PKHD1L1: variants seen among roughly 807,000 people sequenced by gnomAD.
PKHD1L1 encodes the protein fibrocystin-L.
A neutral mutation model predicts 462.9 loss-of-function variants in PKHD1L1; 434 were observed. The ratio of observed to expected loss-of-function variants is 0.94; its 90% CI spans 0.87 to 1.02. The LOEUF is 1.02. Among genes scored for constraint, PKHD1L1 ranks in the 50% least tolerant of loss-of-function variants. The probability of loss-of-function intolerance (pLI) is 0.00; values close to 1 mark genes in which losing one functional copy is unlikely to be tolerated. For missense variants in PKHD1L1, 5,202 were observed against 5,096.1 expected, an observed-to-expected ratio of 1.02 and a Z score of -0.63; for synonymous variants, 1,781 against 1,750.0, an observed-to-expected ratio of 1.02 and a Z score of -0.44.
In PKHD1L1 at chr8:109,531,494, A is replaced by G. The variant is rs1353472659; in HGVS notation, c.*1404A>G. Reference sequence around the variant, plus strand: ...CAGAGACAGAGAGGGAGGGGGAGAGAGAGATAGATAGAGAGAGAGAGAAAG... The same window carrying G: ...CAGAGACAGAGAGGGAGGGGGAGAGGGAGATAGATAGAGAGAGAGAGAAAG... On this transcript the variant is annotated 3_prime_UTR_variant, in exon 78 of 78. Coordinates refer to ENST00000378402, the MANE Select transcript of PKHD1L1 (RefSeq NM_177531.6). 1.3e-5 allele frequency among the ~76,000 whole-genome samples: 2 copies of G among 152,082 alleles called. No homozygotes were observed. The highest frequency in any genetic ancestry group is 2.9e-5 in the Non-Finnish European group (2 of 68,026).
In PKHD1L1 at chr8:109,464,316, T is replaced by C; in HGVS notation, c.7484T>C (p.Ile2495Thr). The change falls in exon 49 of 78, where the codon ATT (isoleucine) becomes ACT (threonine). Residue 2495 changes from isoleucine (I) to threonine (T), a missense_variant. Physicochemically the swap from Ile to Thr is moderately conservative, Grantham distance 89. Transcript: ENST00000378402. ...QFKSYVRGCA[I>T]HQAYNRAVTI... ...AAATCTTATGTAAGAGGCTGTGCAA[T>C]TCACCAGGCCTATAACAGAGCTGTT... 1 of 1,613,318 alleles carries C rather than the reference T, an allele frequency of 6.2e-7. No homozygotes were observed. The highest frequency in any genetic ancestry group is 1.1e-5 in the South Asian group (1 of 91,022).
chr8:109,435,795 A>G (rs1815374509), intron 29 of PKHD1L1, among the ~76,000 whole-genome samples: 1 of 151,906 alleles, frequency 6.6e-6, no homozygotes, highest in African/African-American at 2.4e-5. Context: ...GTCCTGCTTC[A>G]TTTCCTTTGT....
chr8:109,447,925 T>C (rs1289002194), intron 38 of PKHD1L1, among the ~76,000 whole-genome samples: 1 of 152,118 alleles, frequency 6.6e-6, no homozygotes, highest in Non-Finnish European at 1.5e-5. Context: ...GGAAAAATAA[T>C]AAACATTGAG....
intron 23 of PKHD1L1, among the ~76,000 whole-genome samples, chr8:109,421,662 T>C (rs986386866): frequency 5.3e-5 from 8 of 152,150 alleles, no homozygotes; most frequent in African/African-American, 1.9e-4. Context: ...CGGGGGCCTG[T>C]AGTCCCAGCT....
At chr8:109,419,981 A>C (rs1191014861) in intron 22 of PKHD1L1, among the ~76,000 whole-genome samples, 1 of 152,000 alleles carries the variant, frequency 6.6e-6, no homozygotes, top group Admixed American at 6.6e-5. Flanking sequence ...CCAGACTTAC[A>C]TTATGATTGG....
intron 10 of PKHD1L1, among the ~76,000 whole-genome samples, chr8:109,395,622 A>G (rs565901299): frequency 6.6e-6 from 1 of 152,368 alleles, no homozygotes; most frequent in Non-Finnish European, 1.5e-5. Flanking sequence ...AAGTTCAATC[A>G]TAGTTAAATG....
At chr8:109,412,145 TTAAAG>T (rs764527763) in intron 19 of PKHD1L1, 115 bp from the exon 20 acceptor site, 237 of 919,514 alleles carry the variant, frequency 2.6e-4, no homozygotes, top group Non-Finnish European at 3.6e-4. Flanking sequence ...ACATCTAAAG[TTAAAG>T]TAATCAGGGA....
chr8:109,376,322 G>A (rs934659708), intron 2 of PKHD1L1, among the ~76,000 whole-genome samples: 1 of 152,218 alleles, frequency 6.6e-6, no homozygotes, highest in Non-Finnish European at 1.5e-5. Flanking sequence ...TAATCTCCTG[G>A]TGTGCCATTT....
chr8:109,388,454 G>C (rs955514296), intron 6 of PKHD1L1, 43 bp from the exon 7 acceptor site: 1 of 1,379,998 alleles, frequency 7.2e-7, no homozygotes, highest in East Asian at 2.5e-5. Flanking sequence ...GAAACAATTT[G>C]TTAAACATAA....
Position 109,483,053 on chromosome 8 carries a change from C to A in PKHD1L1, c.9524C>A (p.Thr3175Asn). ...ATATATAAAACTAAGCTCTCAGAAA[C>A]TGCATTTGCAGGTTCCAAAGTCCTG... Reference protein sequence around the residue: ...HSIYKTKLSETAFAGSKVLSL... With the variant: ...HSIYKTKLSENAFAGSKVLSL... Residue 3175 changes from threonine (T) to asparagine (N), a missense_variant, in exon 57 of 78, where the codon ACT becomes AAT. By Grantham distance (65) the Thr-to-Asn change is moderately conservative (BLOSUM62 0). Around this residue, in one of 3 missense-constraint regions of PKHD1L1, gnomAD observed 4,497 missense variants for 4,336.8 expected, o/e 1.04. Transcript: ENST00000378402. 1.2e-6 allele frequency: 2 copies of A among 1,601,598 alleles called. No individual in the cohort carries two copies. Among genetic ancestry groups the A allele is most frequent in the Non-Finnish European group, 1.7e-6 (2 of 1,174,082 alleles).
At chr8:109,528,193 G>A (rs1820910717) in intron 77 of PKHD1L1, among the ~76,000 whole-genome samples, 2 of 152,242 alleles carry the variant, frequency 1.3e-5, no homozygotes, top group East Asian at 1.9e-4. Context: ...GGAGGGAAAA[G>A]GCACTCAAGA....
chr8:109,382,347 C>A (rs1363235078), intron 3 of PKHD1L1, 116 bp from the exon 4 acceptor site: 3 of 730,806 alleles, frequency 4.1e-6, no homozygotes, highest in Middle Eastern at 3.5e-4. Context: ...TCAGTTACGA[C>A]GTTGGACACT....
chr8:109,462,054 T>C lies in PKHD1L1; in HGVS notation c.7383+146T>C, dbSNP rs950468907. Reference sequence around the variant, plus strand: ...AAGTAAACAATTTTAATACACCCATTTGATCATGCCAAAATTTTGTTTCTC... The same window carrying C: ...AAGTAAACAATTTTAATACACCCATCTGATCATGCCAAAATTTTGTTTCTC... On this transcript the variant is annotated intron_variant, in intron 48 of 77. Transcript: ENST00000378402. 7.0e-6 allele frequency: 7 copies of C among 996,546 alleles called. No individual in the cohort carries two copies. The East Asian group carries it at 8.4e-5, about 12-fold the overall frequency. 61.7% of individuals were successfully genotyped at this position (996,546 alleles called of 1,614,324 possible). A position where few individuals can be genotyped will look rare whatever the true frequency, so the allele number is the denominator to read the frequency against.
At chr8:109,393,542 A>G (rs1351555269) in intron 9 of PKHD1L1, among the ~76,000 whole-genome samples, 1 of 152,208 alleles carries the variant, frequency 6.6e-6, no homozygotes, top group Admixed American at 6.5e-5. Context: ...ATTTGCTGTC[A>G]TCCATTTGCA....
Position 109,454,158 on chromosome 8 carries a change from G to A in PKHD1L1, c.6665-9G>A, listed in dbSNP as rs371027565. 6.3e-7 allele frequency: 1 copy of A among 1,581,568 alleles called. No individual in the cohort carries two copies. Among genetic ancestry groups the A allele is most frequent in the South Asian group, 1.2e-5 (1 of 84,162 alleles). ...CTTGTGATGTATTTCAAAATTGTAT[G>A]ATTCATAGGTGGGACTCTAATATTT... On this transcript the variant is annotated splice_polypyrimidine_tract_variant and intron_variant, in intron 43 of 77. Transcript: ENST00000378402.
chr8:109,404,773 T>C, intron 15 of PKHD1L1, 60 bp downstream of exon 15: 3 of 1,447,776 alleles, frequency 2.1e-6, no homozygotes, highest in Non-Finnish European at 2.8e-6. Context: ...GGATCTCAAT[T>C]TGATTATTAA....
chr8:109,461,138 T>C (rs1439059834), intron 47 of PKHD1L1, among the ~76,000 whole-genome samples: 1 of 152,208 alleles, frequency 6.6e-6, no homozygotes, highest in African/African-American at 2.4e-5. Context: ...ATGTCTCTTT[T>C]AAATTTTTTA....
chr8:109,455,847 A>AAT (rs541841113), intron 45 of PKHD1L1, among the ~76,000 whole-genome samples: 12 of 152,180 alleles, frequency 7.9e-5, no homozygotes, highest in African/African-American at 1.2e-4. Context: ...CATAGGGCTC[A>AAT]ATATATATAT....
rs1459608346 is a variant in PKHD1L1, at chr8:109,532,948, T to C, written c.*2858T>C. Reference sequence around the variant, plus strand: ...TGCTGTGTGTTCTACATGGACCCTTTCCTTACAGCAATCCTATGAGGATAA... The same window carrying C: ...TGCTGTGTGTTCTACATGGACCCTTCCCTTACAGCAATCCTATGAGGATAA... On this transcript the variant is annotated 3_prime_UTR_variant, in exon 78 of 78. Transcript: ENST00000378402. Among the ~76,000 whole-genome samples, 1 of 152,260 alleles carries C rather than the reference T, an allele frequency of 6.6e-6. No homozygotes were observed. The highest frequency in any genetic ancestry group is 2.4e-5 in the African/African-American group (1 of 41,470).
Sources: allele counts gnomAD v4.1 joint callset (sites outside exome capture counted in the v4.1 genomes callset), GRCh38; gene constraint gnomAD v4.1.1; regional missense constraint gnomAD v4.1.1; transcripts MANE v1.5; gene names NCBI Gene and HGNC (gene_info 2026-07-23, HGNC 2026-07-21).